Variants in TG observed in about 807,000 individuals in gnomAD.
TG encodes the protein thyroid hormones.
In TG, 270 loss-of-function variants were observed where a neutral mutation model predicts 324.7. The ratio of observed to expected loss-of-function variants is 0.83; its 90% CI spans 0.75 to 0.92. The LOEUF (loss-of-function observed/expected upper bound fraction) is 0.92. Among genes scored for constraint, TG ranks in the 40% least tolerant of loss-of-function variants. The pLI, the probability that TG is intolerant of heterozygous loss-of-function variation, is 0.00. For missense variants in TG, 3,591 were observed against 3,456.4 expected, an observed-to-expected ratio of 1.04 and a Z score of -0.98; for synonymous variants, 1,401 against 1,327.0, an observed-to-expected ratio of 1.06 and a Z score of -1.21.
At chr8:133,012,204 A>C (rs1834575951) in intron 36 of TG, among the ~76,000 whole-genome samples, 169 bp downstream of exon 36, 1 of 152,182 alleles carries the variant, frequency 6.6e-6, no homozygotes, top group African/African-American at 2.4e-5. Flanking sequence ...TCATTACCCC[A>C]CAGGGCAGCC....
chr8:133,064,230 A>G (rs1445281869), intron 41 of TG: 1 of 152,232 alleles, frequency 6.6e-6, no homozygotes, highest in East Asian at 1.9e-4. Flanking sequence ...CGAGCCTGAT[A>G]ACCCCATTTA....
At chr8:132,884,359 G>C (rs1304251089) in intron 8 of TG, among the ~76,000 whole-genome samples, 1 of 152,194 alleles carries the variant, frequency 6.6e-6, no homozygotes, top group South Asian at 2.1e-4. Flanking sequence ...AGGATGTTAT[G>C]ATGAGGAAGG....
chr8:133,115,865 G>T (rs1269623254), intron 44 of TG, among the ~76,000 whole-genome samples: 1 of 152,216 alleles, frequency 6.6e-6, no homozygotes, highest in African/African-American at 2.4e-5. Flanking sequence ...ATCGATTCAT[G>T]CTACCCTCAA....
chr8:133,050,689 T>G, intron 41 of TG: 1 of 661,626 alleles, frequency 1.5e-6, no homozygotes, highest in East Asian at 2.7e-5. Context: ...GGGTCAAATT[T>G]CTCACCTCAT....
At chr8:132,993,317 G>C (rs1772150680) in intron 35 of TG, among the ~76,000 whole-genome samples, 1 of 152,172 alleles carries the variant, frequency 6.6e-6, no homozygotes, top group South Asian at 2.1e-4. Context: ...AGCCACATGG[G>C]ATATGAGTTT....
At chr8:133,080,241 A>G (rs1845543864) in intron 41 of TG, among the ~76,000 whole-genome samples, 1 of 152,170 alleles carries the variant, frequency 6.6e-6, no homozygotes, top group Non-Finnish European at 1.5e-5. Context: ...ACAGAAAGGA[A>G]AGGGAATGAA....
intron 25 of TG, among the ~76,000 whole-genome samples, chr8:132,937,338 C>A (rs1823756194): frequency 1.3e-5 from 2 of 152,190 alleles, no homozygotes; most frequent in South Asian, 4.1e-4. Flanking sequence ...GCTGCCCTGA[C>A]CTTGGTAGCA....
At chr8:132,941,825 G>C (rs1350643408) in intron 26 of TG, among the ~76,000 whole-genome samples, 4 of 152,118 alleles carry the variant, frequency 2.6e-5, no homozygotes, top group Non-Finnish European at 5.9e-5. Context: ...AGAAACTAAG[G>C]CTCAGATAAT....
At chr8:132,887,691 T>C (rs1815622914) in intron 9 of TG, 143 bp downstream of exon 9, 3 of 1,161,770 alleles carry the variant, frequency 2.6e-6, no homozygotes, top group Non-Finnish European at 3.8e-6. Flanking sequence ...TATTAAAAAT[T>C]ATCCAGGAAT....
At chr8:132,893,256 ATGTGTGTGGTGTCTGCGGGGGTGGTG>A in intron 10 of TG, among the ~76,000 whole-genome samples, 2 of 98,084 alleles carry the variant, frequency 2.0e-5, no homozygotes, top group Admixed American at 1.1e-4. Context: ...TGTGGTGTGT[ATGTGTGTGGTGTCTGCGGGGGTGGTG>A]TGTGTGTATG....
At chr8:133,038,489 T>C (rs768841063) in intron 41 of TG, 9 of 1,501,944 alleles carry the variant, frequency 6.0e-6, no homozygotes, top group East Asian at 4.5e-5. Context: ...GAACTTCTGT[T>C]CCTTTTGGGC....
intron 33 of TG, 109 bp downstream of exon 33, chr8:132,971,982 C>A: frequency 1.2e-6 from 1 of 838,152 alleles, no homozygotes; most frequent in Non-Finnish European, 2.0e-6. Flanking sequence ...TCCTCGTTCA[C>A]AGATAAGGAA....
chr8:132,894,874 C>T (rs1283776668), intron 11 of TG, among the ~76,000 whole-genome samples: 1 of 152,218 alleles, frequency 6.6e-6, no homozygotes, highest in Non-Finnish European at 1.5e-5. Context: ...GTATAATCAC[C>T]ATCCACAATT....
chr8:133,124,715 C>T (rs886524997), intron 45 of TG, among the ~76,000 whole-genome samples: 3 of 152,150 alleles, frequency 2.0e-5, no homozygotes, highest in African/African-American at 7.2e-5. Flanking sequence ...AAAAACAAAA[C>T]ATTCAAAATG....
chr8:133,034,023 A>C (rs1217148979), intron 41 of TG, among the ~76,000 whole-genome samples: 7 of 152,206 alleles, frequency 4.6e-5, no homozygotes, highest in Non-Finnish European at 1.0e-4. Flanking sequence ...GACTCAGAAC[A>C]CTGTTCTCTA....
At chr8:132,984,006 G>A (rs117475219) in intron 35 of TG, among the ~76,000 whole-genome samples, 4,927 of 152,280 alleles carry the variant, frequency 0.032, 110 homozygotes, top group Non-Finnish European at 0.053. Context: ...AGAGAGGTTG[G>A]GTGCAGTAGA....
At chr8:132,967,395 A>C (rs1475056506) in intron 30 of TG, among the ~76,000 whole-genome samples, 1 of 152,230 alleles carries the variant, frequency 6.6e-6, no homozygotes, top group Non-Finnish European at 1.5e-5. Flanking sequence ...CCAGGGGCAC[A>C]GGCTGACTTG....
At chr8:132,960,923 C>G (rs535891235) in intron 27 of TG, 85 bp from the exon 28 acceptor site, 156 of 1,335,852 alleles carry the variant, frequency 1.2e-4, no homozygotes, top group Non-Finnish European at 1.6e-4. Flanking sequence ...GAGCCTGTGT[C>G]AAGGGAGATG....
intron 47 of TG, 67 bp downstream of exon 47, chr8:133,133,727 A>T (rs927075276): frequency 6.4e-7 from 1 of 1,553,158 alleles, no homozygotes. Context: ...TGCTCGCTGC[A>T]TGAGACCTGT....
Sources: gnomAD v4.1 joint callset for allele counts (sites outside exome capture counted in the v4.1 genomes callset) on GRCh38, gnomAD v4.1.1 for gene constraint, MANE v1.5 for transcripts, NCBI Gene and HGNC (gene_info 2026-07-23, HGNC 2026-07-21) for gene names.